Variants in NOX4 observed in about 807,000 individuals in gnomAD.
NOX4 encodes kidney oxidase-1.
A neutral mutation model predicts 87.6 loss-of-function variants in NOX4; 69 were observed. The ratio of observed to expected loss-of-function variants is 0.79; its 90% CI spans 0.65 to 0.96. The LOEUF (loss-of-function observed/expected upper bound fraction) is 0.96, where lower values mean the gene tolerates loss of function less well. Ranked by LOEUF, NOX4 falls within the 40% of genes least tolerant of loss-of-function variation. NOX4 has a pLI of 0.00. For missense variants in NOX4, 680 were observed against 681.5 expected, an observed-to-expected ratio of 1.00 and a Z score of 0.02; for synonymous variants, 275 against 238.2, an observed-to-expected ratio of 1.15 and a Z score of -1.42.
At chr11:89,560,408 C>T in the NOX4 span, among the ~76,000 whole-genome samples, 17 of 152,036 alleles carry the variant, frequency 1.1e-4, no homozygotes, top group Non-Finnish European at 7.4e-5. Flanking sequence ...TGTAGTTTTA[C>T]GTGAGTTTTA....
At chr11:89,512,151 T>C in the NOX4 span, among the ~76,000 whole-genome samples, 2 of 152,090 alleles carry the variant, frequency 1.3e-5, no homozygotes, top group Admixed American at 1.3e-4. Flanking sequence ...TGATATTTAA[T>C]GTGTACATTT....
chr11:89,426,810 A>G (rs747714911), intron 7 of NOX4, among the ~76,000 whole-genome samples: 3 of 152,278 alleles, frequency 2.0e-5, no homozygotes, highest in Admixed American at 2.0e-4. Context: ...GGCATAGCCG[A>G]ACAAAAGGCA....
chr11:89,441,519 G>T (rs1944453410), intron 5 of NOX4, among the ~76,000 whole-genome samples: 1 of 152,134 alleles, frequency 6.6e-6, no homozygotes, highest in African/African-American at 2.4e-5. Flanking sequence ...TCATCTGGGG[G>T]TCTTTGAATA....
intron 12 of NOX4, among the ~76,000 whole-genome samples, chr11:89,364,531 T>C (rs1188080481): frequency 6.6e-6 from 1 of 152,056 alleles, no homozygotes; most frequent in African/African-American, 2.4e-5. Context: ...AACAGAACTT[T>C]ATACTGTCTT....
upstream of NOX4, chr11:89,491,383 C>T: frequency 1.3e-6 from 1 of 789,236 alleles, no homozygotes; most frequent in South Asian, 2.0e-5. Context: ...AGTGGAAGCC[C>T]GAAGGCCCGG....
intron 2 of NOX4, among the ~76,000 whole-genome samples, chr11:89,480,913 A>G (rs1402904711): frequency 1.3e-5 from 2 of 152,102 alleles, no homozygotes; most frequent in Admixed American, 6.6e-5. Context: ...GTTGAATGAA[A>G]TATGTTCCAC....
At chr11:89,371,487 C>T (rs1939443926) in intron 12 of NOX4, among the ~76,000 whole-genome samples, 1 of 151,828 alleles carries the variant, frequency 6.6e-6, no homozygotes, top group African/African-American at 2.4e-5. Flanking sequence ...TGTGAAAAAA[C>T]TCAGTAACAA....
intron 11 of NOX4, among the ~76,000 whole-genome samples, chr11:89,386,116 C>T (rs1387260610): frequency 6.6e-6 from 1 of 152,188 alleles, no homozygotes; most frequent in Admixed American, 6.5e-5. Flanking sequence ...ACTTTTACCA[C>T]TTGCCCTTCT....
At chr11:89,437,225 G>A (rs995159899) in intron 6 of NOX4, among the ~76,000 whole-genome samples, 18 of 151,900 alleles carry the variant, frequency 1.2e-4, no homozygotes, top group East Asian at 3.9e-4. Context: ...AAACTTAGCC[G>A]GGCATGGTGA....
intron 6 of NOX4, among the ~76,000 whole-genome samples, chr11:89,435,357 A>G (rs919126205): frequency 6.6e-6 from 1 of 152,054 alleles, no homozygotes; most frequent in African/African-American, 2.4e-5. Context: ...AACATGCCAA[A>G]ATTAGTCATG....
At chr11:89,396,490 C>T (rs1482507218) in intron 11 of NOX4, among the ~76,000 whole-genome samples, 1 of 151,838 alleles carries the variant, frequency 6.6e-6, no homozygotes, top group Non-Finnish European at 1.5e-5. Context: ...ACTGAATACC[C>T]TTTAAGTGCC....
chr11:89,437,237 G>A (rs748882869), intron 6 of NOX4, among the ~76,000 whole-genome samples: 8 of 151,764 alleles, frequency 5.3e-5, no homozygotes, highest in Non-Finnish European at 1.0e-4. Context: ...GCATGGTGAC[G>A]GGCACCTGTA....
chr11:89,489,774 C>T (rs1302253835), intron 2 of NOX4, among the ~76,000 whole-genome samples: 1 of 150,248 alleles, frequency 6.7e-6, no homozygotes, highest in Non-Finnish European at 1.5e-5. Context: ...AAAACGCAAT[C>T]TCCTTGTGCA....
At chr11:89,347,819 T>C (rs1946283739) in intron 13 of NOX4, among the ~76,000 whole-genome samples, 1 of 152,232 alleles carries the variant, frequency 6.6e-6, no homozygotes, top group Admixed American at 6.5e-5. Context: ...TGCCTGAATA[T>C]GAAATTGCCA....
chr11:89,404,680 G>A (rs1437575984), intron 8 of NOX4, among the ~76,000 whole-genome samples: 1 of 151,938 alleles, frequency 6.6e-6, no homozygotes, highest in Non-Finnish European at 1.5e-5. Context: ...TAAGTAGCAG[G>A]GCCAAGATTT....
the NOX4 span, among the ~76,000 whole-genome samples, chr11:89,573,831 A>T: frequency 6.6e-6 from 1 of 151,974 alleles, no homozygotes; most frequent in Non-Finnish European, 1.5e-5. Flanking sequence ...CCTTTTTGTG[A>T]TTCTTCCCTT....
the NOX4 span, among the ~76,000 whole-genome samples, chr11:89,566,440 A>G: frequency 6.6e-6 from 1 of 152,292 alleles, no homozygotes; most frequent in Admixed American, 6.5e-5. Flanking sequence ...AAGTTTTTCT[A>G]TTCTCTAGGA....
chr11:89,376,879 C>G (rs1057462101), intron 11 of NOX4, among the ~76,000 whole-genome samples: 9 of 151,824 alleles, frequency 5.9e-5, no homozygotes, highest in Non-Finnish European at 1.0e-4. Context: ...GAGACTCCAT[C>G]TCAAAAAATA....
chr11:89,408,932 A>T (rs1185406970), intron 8 of NOX4, among the ~76,000 whole-genome samples: 1 of 152,170 alleles, frequency 6.6e-6, no homozygotes, highest in Non-Finnish European at 1.5e-5. Flanking sequence ...TGACTAATGT[A>T]TAGCCTAGGG....
Sources: gnomAD v4.1 joint callset for allele counts (sites outside exome capture counted in the v4.1 genomes callset) on GRCh38, gnomAD v4.1.1 for gene constraint, MANE v1.5 for transcripts, NCBI Gene and HGNC (gene_info 2026-07-23, HGNC 2026-07-21) for gene names.